Variants in PCMTD1 observed in about 807,000 individuals in gnomAD.
The protein encoded by PCMTD1 is protein-L-isoaspartate (D-aspartate) O-methyltransferase domain containing 1, also known as protein-L-isoaspartate O-methyltransferase domain-containing protein 1.
A neutral mutation model predicts 37.6 loss-of-function variants in PCMTD1; 12 were observed. That is an observed-to-expected ratio of 0.32 (90% CI 0.20 to 0.52). The LOEUF (loss-of-function observed/expected upper bound fraction) is 0.52. Ranked by LOEUF, PCMTD1 falls within the 20% of genes least tolerant of loss-of-function variation. The pLI, the probability that PCMTD1 is intolerant of heterozygous loss-of-function variation, is 0.97. For synonymous variants in PCMTD1, 117 were observed against 135.8 expected (o/e 0.86, Z 0.96); for missense variants, 235 against 421.3 (o/e 0.56, Z 3.87).
intron 5 of PCMTD1, among the ~76,000 whole-genome samples, chr8:51,825,959 T>C (rs1229397705): frequency 2.0e-5 from 3 of 152,176 alleles, no homozygotes; most frequent in East Asian, 1.9e-4. Context: ...AGTGTGGCGA[T>C]TCCTCAAGGA....
intron 3 of PCMTD1, among the ~76,000 whole-genome samples, chr8:51,841,886 G>A (rs911740837): frequency 2.6e-5 from 4 of 152,162 alleles, no homozygotes; most frequent in African/African-American, 7.2e-5. Flanking sequence ...TAAACAGAGT[G>A]TTTTTGTAAA....
intron 1 of PCMTD1, among the ~76,000 whole-genome samples, chr8:51,870,722 C>T (rs527576158): frequency 1.3e-5 from 2 of 152,302 alleles, no homozygotes; most frequent in African/African-American, 2.4e-5. Context: ...TGACACAGAA[C>T]AATTTGCTCA....
At chr8:51,836,597 CAT>C (rs1242212935) in intron 3 of PCMTD1, among the ~76,000 whole-genome samples, 3 of 152,098 alleles carry the variant, frequency 2.0e-5, no homozygotes, top group Admixed American at 6.5e-5. Context: ...AAAAAAGAAA[CAT>C]AAATGTTTTA....
At chr8:51,834,701 AC>A (rs1449007695) in intron 3 of PCMTD1, among the ~76,000 whole-genome samples, 1 of 152,052 alleles carries the variant, frequency 6.6e-6, no homozygotes, top group Admixed American at 6.5e-5. Flanking sequence ...TGTAAAATAT[AC>A]CCTGTCCTTT....
At chr8:51,849,062 G>T (rs1397625050) in intron 2 of PCMTD1, 1 of 152,054 alleles carries the variant, frequency 6.6e-6, no homozygotes, top group Non-Finnish European at 1.5e-5. Flanking sequence ...TTTGGTATCT[G>T]TATTAAATAG....
chr8:51,866,929 CCCATACATCTGATAAGGGATTGCAAA>C (rs1453186319), intron 1 of PCMTD1, among the ~76,000 whole-genome samples: 92 of 152,058 alleles, frequency 6.1e-4, no homozygotes, highest in Non-Finnish European at 1.1e-3. Flanking sequence ...AGGATTGCAA[CCCATACATCTGATAAGGGATTGCAAA>C]CCATACATCT....
At chr8:51,860,606 G>C in intron 2 of PCMTD1, 1 of 385,500 alleles carries the variant, frequency 2.6e-6, no homozygotes, top group African/African-American at 2.0e-5. Flanking sequence ...TTGACTTTAA[G>C]TACAGACAAT....
At chr8:51,869,760 A>C (rs1336023269) in intron 1 of PCMTD1, among the ~76,000 whole-genome samples, 1 of 152,218 alleles carries the variant, frequency 6.6e-6, no homozygotes, top group Non-Finnish European at 1.5e-5. Context: ...TTAAGCAGTT[A>C]CAGAGTTATG....
intron 1 of PCMTD1, among the ~76,000 whole-genome samples, chr8:51,884,783 T>C (rs1343388580): frequency 1.3e-5 from 2 of 152,198 alleles, no homozygotes; most frequent in African/African-American, 4.8e-5. Context: ...CTTTCTATGG[T>C]ATCCTAGAGG....
At chr8:51,898,393 GCGCCTGCTATAAC>G (rs2039040617) in intron 1 of PCMTD1, among the ~76,000 whole-genome samples, 1 of 152,058 alleles carries the variant, frequency 6.6e-6, no homozygotes, top group Non-Finnish European at 1.5e-5. Flanking sequence ...AGAGGCCTTG[GCGCCTGCTATAAC>G]CTCTCAGTCC....
At chr8:51,821,116 G>C (rs1026542840) in intron 5 of PCMTD1, among the ~76,000 whole-genome samples, 4 of 152,160 alleles carry the variant, frequency 2.6e-5, no homozygotes, top group Non-Finnish European at 5.9e-5. Context: ...CATAACAACA[G>C]ATGTGAGATC....
intron 2 of PCMTD1, among the ~76,000 whole-genome samples, chr8:51,854,929 CT>C: frequency 1.3e-5 from 2 of 149,688 alleles, no homozygotes; most frequent in East Asian, 4.0e-4. Flanking sequence ...AATCCAAGCA[CT>C]TTGGGAGGCC....
chr8:51,831,494 A>C lies in PCMTD1; in HGVS notation c.656T>G (p.Leu219Arg). ...ATTATCATTCTTACTTGGTTGCACA[A>C]GTGGAGCAAATGAAACAGCAAGGAT... ...KNILAVSFAP[L>R]VQPSKNDNGK... Residue 219 changes from leucine to arginine, a missense_variant, in exon 5 of 6, where the codon CTT (leucine) becomes CGT (arginine). By Grantham distance (102) the Leu-to-Arg change is moderately radical. This residue lies in a region of PCMTD1 where 183 missense variants were observed against 349.3 expected (regional missense o/e 0.52). Coordinates refer to ENST00000522514, the MANE Select transcript of PCMTD1 (RefSeq NM_052937.4). The C allele has an allele frequency of 6.2e-7, 1 of 1,613,892 alleles. No homozygotes were observed. Among genetic ancestry groups the C allele is most frequent in the Non-Finnish European group, 8.5e-7 (1 of 1,179,894 alleles).
rs879107837 is a variant in PCMTD1 at position 51,819,270 on chromosome 8, G to T, written c.*1081C>A. ...TCTGAACAGCATTTTCAAAACAAAG[G>T]GTATCTACATACAATTTCTGTGAAT... is the stretch of plus-strand genomic sequence containing the variant. On this transcript the variant is annotated 3_prime_UTR_variant, in exon 6 of 6. Coordinates refer to ENST00000522514, the MANE Select transcript of PCMTD1 (RefSeq NM_052937.4). The T allele has an allele frequency of 3.3e-5, 5 of 151,698 alleles. No homozygotes were observed. Among genetic ancestry groups the T allele is most frequent in the Admixed American group, 2.0e-4 (3 of 15,216 alleles). The allele number at this position is 151,698 out of a possible 1,614,324, so 9.4% of individuals were successfully genotyped here. A position where few individuals can be genotyped will look rare whatever the true frequency, so the allele number is the denominator to read the frequency against.
At chr8:51,846,686 AAAC>A (rs1187484171) in intron 2 of PCMTD1, among the ~76,000 whole-genome samples, 3 of 152,220 alleles carry the variant, frequency 2.0e-5, no homozygotes, top group Non-Finnish European at 4.4e-5. Flanking sequence ...CAAATGTCTA[AAAC>A]AACAGTGCAT....
At chr8:51,848,113 A>T (rs1479863386) in intron 2 of PCMTD1, among the ~76,000 whole-genome samples, 1 of 152,138 alleles carries the variant, frequency 6.6e-6, no homozygotes, top group East Asian at 1.9e-4. Context: ...AAAGAAAGAA[A>T]AAAGAGAAAG....
chr8:51,873,452 G>A (rs577994913), intron 1 of PCMTD1, among the ~76,000 whole-genome samples: 21 of 152,160 alleles, frequency 1.4e-4, no homozygotes, highest in Non-Finnish European at 2.8e-4. Context: ...GAATGAACCA[G>A]AGAAAGTTTA....
intron 2 of PCMTD1, among the ~76,000 whole-genome samples, chr8:51,847,034 G>C (rs1172849544): frequency 2.6e-5 from 4 of 152,162 alleles, no homozygotes; most frequent in South Asian, 4.1e-4. Flanking sequence ...AATTGTCCTG[G>C]TTAAAGCAAT....
At chr8:51,886,547 A>G (rs2038866991) in intron 1 of PCMTD1, among the ~76,000 whole-genome samples, 1 of 152,204 alleles carries the variant, frequency 6.6e-6, no homozygotes, top group South Asian at 2.1e-4. Context: ...AAGCAGCTCC[A>G]AAAATCCACA....
Sources: allele counts gnomAD v4.1 joint callset (sites outside exome capture counted in the v4.1 genomes callset), GRCh38; gene constraint gnomAD v4.1.1; regional missense constraint gnomAD v4.1.1; transcripts MANE v1.5; gene names NCBI Gene and HGNC (gene_info 2026-07-23, HGNC 2026-07-21).